Variants in ANK2 observed in about 807,000 individuals in gnomAD.
ANK2 encodes the protein ankyrin 2, also known as ankyrin-2.
A neutral mutation model predicts 360.5 loss-of-function variants in ANK2; 83 were observed. That is an observed-to-expected ratio of 0.23 (90% CI 0.19 to 0.28). The LOEUF (loss-of-function observed/expected upper bound fraction) is 0.28. ANK2 is among the 10% of genes least tolerant of loss of function. The pLI is 1.00. For missense variants in ANK2, 4,201 were observed against 4,795.7 expected (o/e 0.88, Z 3.66); for synonymous variants, 1,740 against 1,759.5 (o/e 0.99, Z 0.28).
At chr4:112,823,347 G>A (rs2057643971) in intron 1 of ANK2, among the ~76,000 whole-genome samples, 1 of 152,172 alleles carries the variant, frequency 6.6e-6, no homozygotes, top group African/African-American at 2.4e-5. Flanking sequence ...GTTCTAAACA[G>A]CCAACACTGT....
chr4:112,754,208 TAGACTGTGAAC>T, the ANK2 span, among the ~76,000 whole-genome samples: 2 of 149,032 alleles, frequency 1.3e-5, no homozygotes, highest in Non-Finnish European at 3.0e-5. Context: ...TCTCTTCCAC[TAGACTGTGAAC>T]AGCTTGAGGA....
chr4:113,080,363 G>A (rs181242233), intron 1 of ANK2, among the ~76,000 whole-genome samples: 1 of 152,326 alleles, frequency 6.6e-6, no homozygotes, highest in Admixed American at 6.5e-5. Flanking sequence ...CCAAGGAAGA[G>A]ATTTGTGTGT....
chr4:113,078,996 G>A (rs1274795429), intron 1 of ANK2, among the ~76,000 whole-genome samples: 3 of 151,992 alleles, frequency 2.0e-5, no homozygotes, highest in Non-Finnish European at 2.9e-5. Flanking sequence ...ACCCATTTAC[G>A]TTTTTTTAAA....
intron 2 of ANK2, among the ~76,000 whole-genome samples, chr4:112,935,607 C>T (rs1189694848): frequency 5.3e-5 from 8 of 151,838 alleles, no homozygotes; most frequent in South Asian, 2.1e-4. Flanking sequence ...TTTGGGAGGC[C>T]GAGGCAGGTG....
chr4:112,778,374 G>T, the ANK2 span, among the ~76,000 whole-genome samples: 1 of 152,048 alleles, frequency 6.6e-6, no homozygotes, highest in South Asian at 2.1e-4. Flanking sequence ...GTTTCACCAA[G>T]TTGGCCAGGC....
At chr4:112,938,110 T>C (rs1013966313) in intron 2 of ANK2, among the ~76,000 whole-genome samples, 1 of 152,230 alleles carries the variant, frequency 6.6e-6, no homozygotes, top group Non-Finnish European at 1.5e-5. Flanking sequence ...CAAAATGTCA[T>C]GTTAGAATCA....
At chr4:112,784,070 A>G in the ANK2 span, among the ~76,000 whole-genome samples, 1 of 152,104 alleles carries the variant, frequency 6.6e-6, no homozygotes, top group African/African-American at 2.4e-5. Flanking sequence ...GTATGAGTAA[A>G]CTCTACCTAC....
intron 1 of ANK2, among the ~76,000 whole-genome samples, chr4:112,864,721 C>T (rs550494115): frequency 4.0e-5 from 6 of 151,814 alleles, no homozygotes; most frequent in Non-Finnish European, 8.8e-5. Context: ...ATGATGATGG[C>T]ACTTTGAGTG....
chr4:112,847,367 T>C (rs2063559549), intron 1 of ANK2, among the ~76,000 whole-genome samples: 1 of 152,236 alleles, frequency 6.6e-6, no homozygotes, highest in Admixed American at 6.5e-5. Context: ...TCAATCATTC[T>C]TGATTCTTCT....
chr4:112,827,688 C>G, intron 1 of ANK2: 1 of 592,796 alleles, frequency 1.7e-6, no homozygotes, highest in Non-Finnish European at 3.0e-6. Context: ...TCTGAAATTT[C>G]GATTCCTGGA....
intron 1 of ANK2, among the ~76,000 whole-genome samples, chr4:113,094,901 T>G (rs1473997068): frequency 1.3e-5 from 2 of 152,226 alleles, no homozygotes; most frequent in Non-Finnish European, 2.9e-5. Flanking sequence ...TTTGTCTTGT[T>G]TTTTAAAAAA....
At chr4:113,341,340 C>T (rs1412970754) in intron 32 of ANK2, among the ~76,000 whole-genome samples, 1 of 152,164 alleles carries the variant, frequency 6.6e-6, no homozygotes, top group Non-Finnish European at 1.5e-5. Flanking sequence ...ATTGAGTTCA[C>T]TCCACTAAAG....
At chr4:113,277,167 TA>T (rs2060531431) in intron 15 of ANK2, among the ~76,000 whole-genome samples, 1 of 152,250 alleles carries the variant, frequency 6.6e-6, no homozygotes, top group Admixed American at 6.5e-5. Flanking sequence ...TCAGTGTGTT[TA>T]AAAGTCTGGT....
the ANK2 span, chr4:112,798,285 A>G: frequency 6.6e-6 from 1 of 152,118 alleles, no homozygotes; most frequent in Non-Finnish European, 1.5e-5. Context: ...TAGTTTTTAC[A>G]ATTATGGATT....
At chr4:112,921,379 GTT>G (rs61196339) in intron 2 of ANK2, among the ~76,000 whole-genome samples, 8,593 of 127,832 alleles carry the variant, frequency 0.067, 315 homozygotes, top group African/African-American at 0.12. Flanking sequence ...GTTTCTTTAA[GTT>G]TTTTTTTTTT....
At chr4:112,775,515 T>TCACACACACACACACACACACACACA in the ANK2 span, among the ~76,000 whole-genome samples, 9,345 of 117,730 alleles carry the variant, frequency 0.079, 707 homozygotes, top group Non-Finnish European at 0.12. Flanking sequence ...CTAAGCTCCA[T>TCACACACACACACACACACACACACA]CACACACACA....
intron 1 of ANK2, among the ~76,000 whole-genome samples, chr4:112,890,645 G>A (rs376554342): frequency 8.1e-6 from 1 of 122,722 alleles, no homozygotes; most frequent in Non-Finnish European, 1.6e-5. Context: ...TCAGCTCACC[G>A]CAACCTCCGC....
chr4:113,049,540 A>C (rs2065967455), upstream of ANK2: 12 of 1,150,068 alleles, frequency 1.0e-5, no homozygotes, highest in Admixed American at 7.8e-5. Flanking sequence ...CAGATTTAAC[A>C]ATGCAGTCAG....
At chr4:113,211,223 G>A (rs1235692357) in intron 4 of ANK2, among the ~76,000 whole-genome samples, 1 of 152,182 alleles carries the variant, frequency 6.6e-6, no homozygotes, top group Non-Finnish European at 1.5e-5. Flanking sequence ...TTGCATCAAT[G>A]TGAGCACAAT....
Sources: allele counts gnomAD v4.1 joint callset (sites outside exome capture counted in the v4.1 genomes callset), GRCh38; gene constraint gnomAD v4.1.1; transcripts MANE v1.5; gene names NCBI Gene and HGNC (gene_info 2026-07-23, HGNC 2026-07-21).